KCTD20: variants seen among roughly 807,000 people sequenced by gnomAD.
KCTD20 encodes the protein BTB/POZ domain-containing protein KCTD20.
Under a neutral mutation model 39.6 loss-of-function variants are expected in KCTD20, and 30 were observed. The observed-to-expected ratio is 0.76, with a 90% CI of 0.57 to 1.03. The LOEUF is 1.03. Among genes scored for constraint, KCTD20 ranks in the 50% least tolerant of loss-of-function variants. The probability of loss-of-function intolerance (pLI) is 0.00; values close to 1 mark genes in which losing one functional copy is unlikely to be tolerated. For synonymous variants in KCTD20, 162 were observed against 180.6 expected (o/e 0.90, Z 0.83); for missense variants, 422 against 522.0 (o/e 0.81, Z 1.87).
chr6:36,476,498 C>T (rs549980386), intron 3 of KCTD20, among the ~76,000 whole-genome samples: 1 of 150,456 alleles, frequency 6.6e-6, no homozygotes, highest in African/African-American at 2.4e-5. Flanking sequence ...GGTGCAATCT[C>T]GGCTCACTGC....
chr6:36,465,085 C>A (rs1030301647), intron 1 of KCTD20, among the ~76,000 whole-genome samples: 10 of 151,996 alleles, frequency 6.6e-5, no homozygotes, highest in Non-Finnish European at 1.3e-4. Context: ...ATCATGAGGT[C>A]AGGAGATCAA....
At chr6:36,473,702 G>A (rs1283869788) in intron 2 of KCTD20, among the ~76,000 whole-genome samples, 2 of 152,074 alleles carry the variant, frequency 1.3e-5, no homozygotes, top group Non-Finnish European at 2.9e-5. Flanking sequence ...GAACCTGGGA[G>A]GCGGAGCTTG....
At chr6:36,443,784 T>C (rs1409611825) in intron 1 of KCTD20, 2 of 152,360 alleles carry the variant, frequency 1.3e-5, no homozygotes, top group East Asian at 1.9e-4. Context: ...TTTTGGAGTT[T>C]GTGATTCTTT....
intron 1 of KCTD20, among the ~76,000 whole-genome samples, chr6:36,467,125 T>C (rs949461510): frequency 1.3e-5 from 2 of 151,302 alleles, no homozygotes; most frequent in African/African-American, 4.9e-5. Context: ...CTGGCCAACA[T>C]GGTGAAACCC....
At chr6:36,481,483 A>ATT in intron 5 of KCTD20, 79 bp from the exon 6 acceptor site, 2 of 994,228 alleles carry the variant, frequency 2.0e-6, no homozygotes, top group Non-Finnish European at 3.2e-6. Context: ...GATAACAGCC[A>ATT]TTCCCTCATA....
chr6:36,482,694 C>T (rs1776290745), intron 6 of KCTD20, among the ~76,000 whole-genome samples: 1 of 152,030 alleles, frequency 6.6e-6, no homozygotes, highest in Admixed American at 6.6e-5. Flanking sequence ...GCCTGTAATC[C>T]CAGCACTTTG....
Position 36,474,949 on chromosome 6 carries a change from T to C in KCTD20, c.321T>C (p.Phe107=). 6.2e-7 allele frequency: 1 copy of C among 1,614,182 alleles called. No individual in the cohort carries two copies. The highest frequency in any genetic ancestry group is 1.1e-5 in the South Asian group (1 of 91,086). The change falls in exon 3 of 8, where the codon TTT becomes TTC. Residue 107 remains phenylalanine, a synonymous_variant. Coordinates refer to ENST00000373731, the MANE Select transcript of KCTD20 (RefSeq NM_173562.5). ...PERFGNSSVG[F]GSNSHSQAPE... is the part of the protein sequence containing the mutation. ...GATTTGGAAACAGTAGTGTGGGCTT[T>C]GGCAGTAATTCCCATTCCCAAGCAC...
intron 7 of KCTD20, among the ~76,000 whole-genome samples, chr6:36,485,238 G>A (rs1012175799): frequency 1.3e-5 from 2 of 151,792 alleles, no homozygotes; most frequent in African/African-American, 2.4e-5. Flanking sequence ...ACAGTTTGTT[G>A]TGCCTATGAT....
intron 1 of KCTD20, among the ~76,000 whole-genome samples, chr6:36,445,168 C>A (rs9470281): frequency 0.012 from 1,772 of 148,302 alleles, 39 homozygotes; most frequent in African/African-American, 0.042. Flanking sequence ...AGGCTGAGGC[C>A]GGAGAATCAC....
chr6:36,479,526 G>A (rs1228468069), intron 4 of KCTD20, 65 bp from the exon 5 acceptor site: 29 of 1,425,800 alleles, frequency 2.0e-5, no homozygotes, highest in Non-Finnish European at 2.5e-5. Context: ...GGAATGCACA[G>A]GGATGAAGAA....
In KCTD20 at chr6:36,486,878, TGCAGG is replaced by T; in HGVS notation, c.968-4_968del. The T allele has an allele frequency of 6.2e-7, 1 of 1,608,492 alleles. No individual in the cohort carries two copies. The highest frequency in any genetic ancestry group is 1.7e-5 in the Admixed American group (1 of 58,964). On this transcript the variant is annotated splice_acceptor_variant and splice_polypyrimidine_tract_variant and coding_sequence_variant and intron_variant, in exon 8 of 8. Coordinates refer to ENST00000373731, the MANE Select transcript of KCTD20 (RefSeq NM_173562.5). LOFTEE classifies it high-confidence loss of function. ...AGTCATGAGAATGGCCTTTTTCCAT[TGCAGG>T]TTACCCTACCTGTAAAGAAAAAATT...
At position 36,487,153 on chromosome 6, in the gene KCTD20, C is replaced by T. The variant is rs1427977552; in HGVS notation, c.1238C>T (p.Ala413Val). Residue 413 changes from alanine (A) to valine (V), a missense_variant, in exon 8 of 8, where the codon GCT becomes GTT. Transcript: ENST00000373731. ...DRLNAPLSQM[A>V]SNDFQD ...CTAAATGCCCCACTTTCTCAGATGG[C>T]TTCTAACGACTTTCAGGATTAGGGC... 1.2e-6 allele frequency: 2 copies of T among 1,613,082 alleles called. No homozygotes were observed. Among genetic ancestry groups the T allele is most frequent in the African/African-American group, 1.3e-5 (1 of 74,928 alleles).
In KCTD20 at chr6:36,457,533, C is replaced by T. The variant is rs142796878; in HGVS notation, c.-46-12519C>T. On this transcript the variant is annotated intron_variant, in intron 1 of 7. Coordinates refer to ENST00000373731, the MANE Select transcript of KCTD20 (RefSeq NM_173562.5). ...GACCAGTTTAGGCAACATAGTGAGA[C>T]TCCTATCTCTACTTAAAATAGAATT... 5.2e-3 allele frequency among the ~76,000 whole-genome samples: 789 copies of T among 152,218 alleles called. 7 individuals carry two copies. Among genetic ancestry groups the T allele is most frequent in the Middle Eastern group, 0.01 (3 of 294 alleles).
intron 5 of KCTD20, 66 bp downstream of exon 5, chr6:36,479,777 CGATT>C: frequency 2.2e-5 from 15 of 674,218 alleles, no homozygotes; most frequent in Non-Finnish European, 2.7e-5. Context: ...TGGAAGTCAC[CGATT>C]TTTTTTTTTT....
At chr6:36,446,024 G>GTTTTTTTTTTTTTTTTTT (rs553882182) in intron 1 of KCTD20, among the ~76,000 whole-genome samples, 1 of 126,536 alleles carries the variant, frequency 7.9e-6, no homozygotes, top group African/African-American at 3.0e-5. Context: ...TATGAACTCA[G>GTTTTTTTTTTTTTTTTTT]TTTTTTTTTT....
chr6:36,472,489 T>G (rs1775941487), intron 2 of KCTD20, among the ~76,000 whole-genome samples: 1 of 152,138 alleles, frequency 6.6e-6, no homozygotes, highest in Non-Finnish European at 1.5e-5. Flanking sequence ...TGAATTTGTT[T>G]ACAAATTTTA....
intron 1 of KCTD20, among the ~76,000 whole-genome samples, chr6:36,467,056 C>G (rs956692422): frequency 2.0e-5 from 3 of 151,938 alleles, no homozygotes; most frequent in African/African-American, 7.3e-5. Flanking sequence ...ACCTGTAATC[C>G]CAGCACTTTA....
At chr6:36,463,718 C>T (rs1775664573) in intron 1 of KCTD20, among the ~76,000 whole-genome samples, 1 of 152,168 alleles carries the variant, frequency 6.6e-6, no homozygotes, top group African/African-American at 2.4e-5. Context: ...TCACCAGATA[C>T]CCAATTTGCC....
intron 2 of KCTD20, among the ~76,000 whole-genome samples, chr6:36,471,850 CTTTTTT>C (rs550731370): frequency 7.4e-6 from 1 of 135,362 alleles, no homozygotes; most frequent in African/African-American, 2.7e-5. Flanking sequence ...GTATCTATTT[CTTTTTT>C]TTTTTTTTTT....
Sources: allele counts gnomAD v4.1 joint callset (sites outside exome capture counted in the v4.1 genomes callset), GRCh38; gene constraint gnomAD v4.1.1; transcripts MANE v1.5; gene names NCBI Gene and HGNC (gene_info 2026-07-23, HGNC 2026-07-21).